Variants in SLC38A6 observed in about 807,000 individuals in gnomAD.
The protein encoded by SLC38A6 is N system amino acid transporter NAT-1.
Under a neutral mutation model 65.0 loss-of-function variants are expected in SLC38A6, and 73 were observed. That is an observed-to-expected ratio of 1.12 (90% confidence interval 0.93 to 1.37). SLC38A6 has a LOEUF of 1.37. Among genes scored for constraint, SLC38A6 ranks in the 40% most tolerant of loss-of-function variants. The probability of loss-of-function intolerance (pLI) is 0.00; values close to 1 mark genes in which losing one functional copy is unlikely to be tolerated. For missense variants in SLC38A6, 561 were observed against 531.1 expected (o/e 1.06, Z -0.55); for synonymous variants, 183 against 178.8 (o/e 1.02, Z -0.19).
intron 3 of SLC38A6, among the ~76,000 whole-genome samples, chr14:61,005,545 A>G (rs1271907690): frequency 6.6e-6 from 1 of 151,620 alleles, no homozygotes; most frequent in Non-Finnish European, 1.5e-5. Flanking sequence ...ATAACAGACA[A>G]ACAGAGAGCC....
intron 3 of SLC38A6, chr14:60,987,511 T>G (rs1015137746): frequency 1.3e-5 from 2 of 152,258 alleles, no homozygotes; most frequent in Non-Finnish European, 2.9e-5. Context: ...CCTTCGTTTG[T>G]CATCTGTAAA....
intron 3 of SLC38A6, among the ~76,000 whole-genome samples, chr14:60,992,879 G>T (rs1175080870): frequency 6.9e-6 from 1 of 144,164 alleles, no homozygotes; most frequent in African/African-American, 2.6e-5. Flanking sequence ...AGGCAGTCTT[G>T]CTCTGTCGCC....
chr14:61,008,791 A>G lies in SLC38A6; in HGVS notation c.311-7113A>G, dbSNP rs182917311. ...GATAAGAGTATTATTTTTTGTGAACACATTATCATCATTCTAGACACCTGG... is the reference window on the plus strand; with the variant it reads ...GATAAGAGTATTATTTTTTGTGAACGCATTATCATCATTCTAGACACCTGG... On this transcript the variant is annotated intron_variant, in intron 3 of 15. Transcript: ENST00000267488. 4.6e-5 allele frequency among the ~76,000 whole-genome samples: 7 copies of G among 152,328 alleles called. No homozygotes were observed. The East Asian group carries it at 1.2e-3, about 25-fold the overall frequency.
intron 4 of SLC38A6, among the ~76,000 whole-genome samples, chr14:61,017,022 C>G (rs1285971721): frequency 6.6e-6 from 1 of 152,008 alleles, no homozygotes. Context: ...ATTTACATTC[C>G]AGTTAACTTT....
intron 3 of SLC38A6, among the ~76,000 whole-genome samples, chr14:61,004,045 C>T (rs2038901719): frequency 6.6e-6 from 1 of 152,080 alleles, no homozygotes; most frequent in Non-Finnish European, 1.5e-5. Flanking sequence ...CCATTATTGT[C>T]AGAGTTGCAT....
Position 61,072,744 on chromosome 14 carries a change from G to T in SLC38A6, c.1291-6066G>T, listed in dbSNP as rs191341062. Among the ~76,000 whole-genome samples the T allele has an allele frequency of 4.0e-3, 616 of 152,316 alleles. 3 individuals are homozygous for T. Among genetic ancestry groups the T allele is most frequent in the Admixed American group, 0.011 (167 of 15,302 alleles). On this transcript the variant is annotated intron_variant, in intron 15 of 16. Transcript: ENST00000354886. The stretch of plus-strand genomic sequence containing the variant: ...TTATGGCTGAATAGCACTCCATTGT[G>T]TATATGTTCCACATTTTCTTTATTC...
chr14:61,032,663 T>A (rs926579947), intron 6 of SLC38A6, among the ~76,000 whole-genome samples: 7 of 151,938 alleles, frequency 4.6e-5, no homozygotes, highest in Non-Finnish European at 1.0e-4. Context: ...TCATTTATTT[T>A]TGGCTAATTA....
chr14:61,012,433 A>C (rs1322225329), intron 3 of SLC38A6, among the ~76,000 whole-genome samples: 1 of 151,690 alleles, frequency 6.6e-6, no homozygotes, highest in Admixed American at 6.6e-5. Flanking sequence ...CTAGCTTTTG[A>C]ATGTGTTTGC....
At chr14:61,048,364 A>AAT in intron 12 of SLC38A6, 1 of 319,940 alleles carries the variant, frequency 3.1e-6, no homozygotes, top group Non-Finnish European at 6.2e-6. Context: ...TAAACTTAAT[A>AAT]CCCTGTTTGA....
chr14:61,067,191 G>C (rs1488833981), intron 15 of SLC38A6, among the ~76,000 whole-genome samples: 1 of 151,978 alleles, frequency 6.6e-6, no homozygotes, highest in East Asian at 1.9e-4. Context: ...TTCTAATTTT[G>C]GACAAGTTAC....
intron 1 of SLC38A6, 40 bp from the exon 2 acceptor site, chr14:60,982,468 C>G: frequency 6.3e-7 from 1 of 1,579,578 alleles, no homozygotes; most frequent in Middle Eastern, 1.8e-4. Context: ...TTAACTTCAC[C>G]GTCCAAACAT....
intron 5 of SLC38A6, among the ~76,000 whole-genome samples, chr14:61,021,237 C>A (rs1388583489): frequency 1.3e-5 from 2 of 152,106 alleles, no homozygotes; most frequent in Non-Finnish European, 2.9e-5. Context: ...TTTGTATAAT[C>A]TCTTTCTAAG....
chr14:61,016,929 C>T (rs2040047145), intron 4 of SLC38A6, among the ~76,000 whole-genome samples: 1 of 152,152 alleles, frequency 6.6e-6, no homozygotes, highest in African/African-American at 2.4e-5. Context: ...TAAAAGGATA[C>T]TCTATCTGTA....
chr14:61,006,904 C>T (rs558931942), intron 3 of SLC38A6, among the ~76,000 whole-genome samples: 2 of 152,264 alleles, frequency 1.3e-5, no homozygotes, highest in South Asian at 4.1e-4. Context: ...TTCACAATAG[C>T]AAAGACTTGG....
chr14:60,994,651 CT>C (rs2038143322), intron 3 of SLC38A6, among the ~76,000 whole-genome samples: 1 of 151,002 alleles, frequency 6.6e-6, no homozygotes, highest in South Asian at 2.1e-4. Flanking sequence ...CTGCAGTGAG[CT>C]GAGATCATGC....
chr14:61,065,354 A>G (rs1438607403), intron 15 of SLC38A6, among the ~76,000 whole-genome samples: 1 of 152,206 alleles, frequency 6.6e-6, no homozygotes, highest in Non-Finnish European at 1.5e-5. Context: ...GTATACTGGT[A>G]AATCCATCAG....
intron 2 of SLC38A6, among the ~76,000 whole-genome samples, chr14:60,983,837 A>G (rs1204273068): frequency 6.6e-6 from 1 of 152,218 alleles, no homozygotes; most frequent in Non-Finnish European, 1.5e-5. Context: ...AGGGTCTTAC[A>G]TGCAGATATA....
intron 5 of SLC38A6, 29 bp from the exon 6 acceptor site, chr14:61,030,416 T>C (rs773927630): frequency 6.6e-7 from 1 of 1,513,816 alleles, no homozygotes; most frequent in South Asian, 1.2e-5. Flanking sequence ...CATAGAATTC[T>C]AATAGGAACA....
rs539263912 is a variant in SLC38A6, at chr14:61,049,038, A to G, written c.926-1474A>G. On this transcript the variant is annotated intron_variant, in intron 12 of 15. Coordinates refer to ENST00000267488, the MANE Select transcript of SLC38A6 (RefSeq NM_153811.3). ...ATGTTTTTGATACTTTGGACAATTCATTTCTCTCCTGTTTCCATTATCACT... is the reference window on the plus strand; with the variant it reads ...ATGTTTTTGATACTTTGGACAATTCGTTTCTCTCCTGTTTCCATTATCACT... Among the ~76,000 whole-genome samples the G allele has an allele frequency of 2.4e-4, 36 of 152,148 alleles. 1 individual carries two copies. Among genetic ancestry groups the G allele is most frequent in the Non-Finnish European group, 4.4e-4 (30 of 67,988 alleles).
Sources: allele counts gnomAD v4.1 joint callset (sites outside exome capture counted in the v4.1 genomes callset), GRCh38; gene constraint gnomAD v4.1.1; transcripts MANE v1.5; gene names NCBI Gene and HGNC (gene_info 2026-07-23, HGNC 2026-07-21).